The following IFIT3 variants were observed in gnomAD, a reference collection of about 807,000 sequenced individuals.
IFIT3 encodes the protein interferon induced protein with tetratricopeptide repeats 3, also known as interferon-induced protein with tetratricopeptide repeats 3.
IFIT3 carries 2 observed loss-of-function variants against 2.4 expected under a neutral mutation model. The observed-to-expected ratio is 0.82, with a 90% CI of 0.34 to 2.60. The LOEUF is 2.60. IFIT3 is among the 30% of genes most tolerant of loss of function. IFIT3 has a pLI of 0.11. For synonymous variants in IFIT3, 203 were observed against 212.1 expected (o/e 0.96, Z 0.37); for missense variants, 481 against 562.4 (o/e 0.86, Z 1.46).
chr10:89,332,537 C>G (rs973569769), intron 1 of IFIT3: 1 of 1,612,848 alleles, frequency 6.2e-7, no homozygotes. Flanking sequence ...GGGTGGAAAC[C>G]TCTTCAGCAT....
rs959276028 is a variant in IFIT3 at position 89,332,699 on chromosome 10, G to A, written c.5+4621G>A. On this transcript the variant is annotated intron_variant, in intron 1 of 1. Coordinates refer to ENST00000371818, the MANE Select transcript of IFIT3 (RefSeq NM_001549.6). ...CAACTTCCTGACTTATGCTATTTCA[G>A]TGTTTGCTTAGAGATGAAATATGCA... is the stretch of plus-strand genomic sequence containing the variant. 4 of 1,467,312 alleles carry A rather than the reference G, an allele frequency of 2.7e-6. No homozygotes were observed. The African/African-American group carries it at 4.2e-5, about 15-fold the overall frequency. The allele number at this position is 1,467,312 out of a possible 1,614,324, so 90.9% of individuals were successfully genotyped here. A position where few individuals can be genotyped will look rare whatever the true frequency, so the allele number is the denominator to read the frequency against.
chr10:89,332,622 C>G (rs1448963205), intron 1 of IFIT3: 1 of 1,614,086 alleles, frequency 6.2e-7, no homozygotes, highest in Admixed American at 1.7e-5. Flanking sequence ...AAACAGCCAT[C>G]ATGAGGTAAA....
Position 89,339,140 on chromosome 10 carries a change from C to A in IFIT3, c.485C>A (p.Ala162Asp). ...NERAKVCFEK[A>D]LEEKPNNPEF... is the part of the protein sequence containing the mutation. The stretch of plus-strand genomic sequence containing the variant: ...AGGGCGAAGGTGTGTTTTGAGAAGG[C>A]TCTGGAAGAAAAGCCCAACAACCCA... The change falls in exon 2 of 2, where the codon GCT (alanine) becomes GAT (aspartate). Residue 162 changes from alanine (A) to aspartate (D), a missense_variant. Ala to Asp is a moderately radical substitution (Grantham distance 126). Coordinates refer to ENST00000371818, the MANE Select transcript of IFIT3 (RefSeq NM_001549.6). 6.2e-7 allele frequency: 1 copy of A among 1,614,094 alleles called. No homozygotes were observed. The highest frequency in any genetic ancestry group is 8.5e-7 in the Non-Finnish European group (1 of 1,180,008).
chr10:89,340,148 G>A lies in IFIT3; in HGVS notation c.*20G>A. ...AACTGAGACAGAGGAGGAAAACAGA[G>A]CATCAGAAGCCTGCAGTGGTGGTTG... On this transcript the variant is annotated 3_prime_UTR_variant, in exon 2 of 2. Coordinates refer to ENST00000371818, the MANE Select transcript of IFIT3 (RefSeq NM_001549.6). 1.3e-6 allele frequency: 2 copies of A among 1,554,238 alleles called. No homozygotes were observed. The highest frequency in any genetic ancestry group is 8.7e-7 in the Non-Finnish European group (1 of 1,150,848).
In IFIT3 at chr10:89,339,293, T is replaced by C. The variant is rs1302459440; in HGVS notation, c.638T>C (p.Leu213Ser). ...GATAACCAATACGTCAAGGTTCTCT[T>C]GGGCCTGAAACTGCAGAAGATGAAT... ...SPDNQYVKVL[L>S]GLKLQKMNKE... is the part of the protein sequence containing the mutation. The change falls in exon 2 of 2, where the codon TTG (leucine) becomes TCG (serine). Residue 213 changes from leucine (L) to serine (S), a missense_variant. By Grantham distance (145) the Leu-to-Ser change is moderately radical. Transcript: ENST00000371818. 2 of 1,614,128 alleles carry C rather than the reference T, an allele frequency of 1.2e-6. No individual in the cohort carries two copies. The highest frequency in any genetic ancestry group is 3.3e-5 in the Admixed American group (2 of 60,008).
In IFIT3 at chr10:89,333,291, C is replaced by G. The variant is rs117933108; in HGVS notation, c.5+5213C>G. 5.7e-3 allele frequency among the ~76,000 whole-genome samples: 874 copies of G among 152,224 alleles called. 3 individuals carry two copies. The highest frequency in any genetic ancestry group is 0.027 in the Middle Eastern group (8 of 292). ...TCAACCTGAGTCTTCTAATAGAATG[C>G]AAATTTCTAGGTCCTGCATTCTGAA... On this transcript the variant is annotated intron_variant, in intron 1 of 1. Coordinates refer to ENST00000371818, the MANE Select transcript of IFIT3 (RefSeq NM_001549.6).
chr10:89,338,374 T>C (rs1449024460), intron 1 of IFIT3: 1 of 315,784 alleles, frequency 3.2e-6, no homozygotes, highest in Non-Finnish European at 5.9e-6. Flanking sequence ...GCTCAAGCAG[T>C]CGGTCAGAGG....
intron 1 of IFIT3, among the ~76,000 whole-genome samples, chr10:89,331,463 G>A (rs1372261216): frequency 3.9e-5 from 6 of 152,158 alleles, no homozygotes; most frequent in East Asian, 1.9e-4. Context: ...GTGAGCCTCC[G>A]TGCCTGGCCA....
intron 1 of IFIT3, chr10:89,338,418 T>G: frequency 2.2e-6 from 1 of 450,980 alleles, no homozygotes; most frequent in Non-Finnish European, 4.0e-6. Context: ...TTTTGTTCTA[T>G]TAAGGCCCTC....
At position 89,340,267 on chromosome 10, in the gene IFIT3, GT is replaced by G; in HGVS notation, c.*141del. The G allele has an allele frequency of 1.1e-6, 1 of 941,792 alleles. No individual in the cohort carries two copies. Among genetic ancestry groups the G allele is most frequent in the South Asian group, 2.1e-5 (1 of 46,884 alleles). The allele number at this position is 941,792 out of a possible 1,614,324, so 58.3% of individuals were successfully genotyped here. A position where few individuals can be genotyped will look rare whatever the true frequency, so the allele number is the denominator to read the frequency against. ...TTGCTCTAAGGTACATTTTTAAAGAGTTGTTTTTTGGCCGGGCGCAGTGGCT... is the reference window on the plus strand; with the variant it reads ...TTGCTCTAAGGTACATTTTTAAAGAGTGTTTTTTGGCCGGGCGCAGTGGCT... On this transcript the variant is annotated 3_prime_UTR_variant, in exon 2 of 2. Transcript: ENST00000371818.
At chr10:89,328,747 A>G (rs796691856) in intron 1 of IFIT3, among the ~76,000 whole-genome samples, 1 of 152,208 alleles carries the variant, frequency 6.6e-6, no homozygotes, top group South Asian at 2.1e-4. Context: ...TCAGCAGCAA[A>G]AAAAGAATTT....
At chr10:89,335,614 AAATACATCCAAC>A (rs1490139540) in intron 1 of IFIT3, 2 of 151,746 alleles carry the variant, frequency 1.3e-5, no homozygotes, top group African/African-American at 2.4e-5. Context: ...TCGTTGAGGC[AAATACATCCAAC>A]AATACATCCA....
chr10:89,332,659 A>C (rs748670782), intron 1 of IFIT3: 2 of 1,605,424 alleles, frequency 1.2e-6, no homozygotes, highest in East Asian at 4.5e-5. Flanking sequence ...GATAGGAAAC[A>C]GAATTTCTTA....
chr10:89,335,061 C>T (rs562392040), intron 1 of IFIT3, among the ~76,000 whole-genome samples: 1 of 152,164 alleles, frequency 6.6e-6, no homozygotes, highest in African/African-American at 2.4e-5. Flanking sequence ...GGTCTCAGGC[C>T]TTCCAGTCCA....
chr10:89,336,818 G>C (rs1589609321), intron 1 of IFIT3, among the ~76,000 whole-genome samples: 1 of 152,132 alleles, frequency 6.6e-6, no homozygotes, highest in Non-Finnish European at 1.5e-5. Flanking sequence ...ATGATTTCTG[G>C]AGGTTCTTTC....
chr10:89,334,832 C>G (rs540458050), intron 1 of IFIT3, among the ~76,000 whole-genome samples: 20 of 152,154 alleles, frequency 1.3e-4, no homozygotes, highest in African/African-American at 4.8e-4. Flanking sequence ...CATCATCCCA[C>G]CTGCCTGCTT....
intron 1 of IFIT3, among the ~76,000 whole-genome samples, chr10:89,329,154 C>T (rs1430863563): frequency 2.0e-5 from 3 of 152,120 alleles, no homozygotes; most frequent in African/African-American, 7.2e-5. Context: ...GGAGGGAAGA[C>T]CCCATCGACC....
Position 89,328,030 on chromosome 10 carries a change from C to T in IFIT3, c.-44C>T. 1 of 1,612,960 alleles carries T rather than the reference C, an allele frequency of 6.2e-7. No homozygotes were observed. The highest frequency in any genetic ancestry group is 1.1e-5 in the South Asian group (1 of 91,068). On this transcript the variant is annotated 5_prime_UTR_variant, in exon 1 of 2. Coordinates refer to ENST00000371818, the MANE Select transcript of IFIT3 (RefSeq NM_001549.6). ...GAAGACTTCTGAAGAACAAATCAGC[C>T]TGGTCACCAGCTTTTCGGAACAGCA... is the stretch of plus-strand genomic sequence containing the variant.
In IFIT3 at chr10:89,340,048, G is replaced by A; in HGVS notation, c.1393G>A (p.Asp465Asn). Residue 465 changes from aspartate (D) to asparagine (N), a missense_variant, in exon 2 of 2, where the codon GAT becomes AAT. Asp to Asn is a conservative substitution (Grantham distance 23). Coordinates refer to ENST00000371818, the MANE Select transcript of IFIT3 (RefSeq NM_001549.6). ...TTTCCTGTCAGCATCTGAGCTTGAGGATGGTAGTGAGGAAATGGGCCAGGG... is the reference window on the plus strand; with the variant it reads ...TTTCCTGTCAGCATCTGAGCTTGAGAATGGTAGTGAGGAAATGGGCCAGGG... ...SIFLSASELEDGSEEMGQGAV... is the reference protein window; with the variant it reads ...SIFLSASELENGSEEMGQGAV... The A allele has an allele frequency of 6.2e-7, 1 of 1,614,212 alleles. No homozygotes were observed. Among genetic ancestry groups the A allele is most frequent in the Non-Finnish European group, 8.5e-7 (1 of 1,180,032 alleles).
Sources: gnomAD v4.1 joint callset for allele counts (sites outside exome capture counted in the v4.1 genomes callset) on GRCh38, gnomAD v4.1.1 for gene constraint, MANE v1.5 for transcripts, NCBI Gene and HGNC (gene_info 2026-07-23, HGNC 2026-07-21) for gene names.